DDX19B: variants seen among roughly 807,000 people sequenced by gnomAD.
The protein encoded by DDX19B is ATP-dependent RNA helicase DDX19B.
DDX19B carries 27 observed loss-of-function variants against 58.1 expected under a neutral mutation model. The ratio of observed to expected loss-of-function variants is 0.46; its 90% CI spans 0.34 to 0.64. DDX19B has a LOEUF of 0.64. Ranked by LOEUF, DDX19B falls within the 30% of genes least tolerant of loss-of-function variation. The pLI, the probability that DDX19B is intolerant of heterozygous loss-of-function variation, is 0.01. For missense variants in DDX19B, 399 were observed against 596.5 expected, an observed-to-expected ratio of 0.67 and a Z score of 3.45; for synonymous variants, 187 against 214.4, an observed-to-expected ratio of 0.87 and a Z score of 1.12.
rs1034265887 is a variant in DDX19B at position 70,323,088 on chromosome 16, C to T, written c.390-1497C>T. Among the ~76,000 whole-genome samples the T allele has an allele frequency of 5.9e-5, 9 of 151,852 alleles. No individual in the cohort carries two copies. The South Asian group carries it at 8.3e-4, about 14-fold the overall frequency. On this transcript the variant is annotated intron_variant, in intron 5 of 11. Transcript: ENST00000288071. ...TATCTTTGGCCTGCTGCGGCTGCTC[C>T]GTTTTTTGTTTTTTGTTTTTTTGAG...
intron 1 of DDX19B, among the ~76,000 whole-genome samples, chr16:70,301,973 T>G (rs898986635): frequency 2.7e-5 from 4 of 150,388 alleles, no homozygotes; most frequent in Non-Finnish European, 5.9e-5. Flanking sequence ...CAGGCTGGAG[T>G]GCAATGGCAC....
chr16:70,332,834 G>C lies in DDX19B; in HGVS notation c.1187-134G>C. ...CACGGCCTTTCAGATCTGGCTTCCT[G>C]CACTCAATGTCATGCACGTCTCTTA... On this transcript the variant is annotated intron_variant, in intron 10 of 11. Coordinates refer to ENST00000288071, the MANE Select transcript of DDX19B (RefSeq NM_007242.7). 4 of 1,527,332 alleles carry C rather than the reference G, an allele frequency of 2.6e-6. No homozygotes were observed. The South Asian group carries it at 4.9e-5, about 19-fold the overall frequency. The allele number at this position is 1,527,332 out of a possible 1,614,324, so 94.6% of individuals were successfully genotyped here.
At chr16:70,302,284 CTTTG>C (rs1961528042) in intron 1 of DDX19B, among the ~76,000 whole-genome samples, 1 of 152,092 alleles carries the variant, frequency 6.6e-6, no homozygotes, top group Non-Finnish European at 1.5e-5. Context: ...TAAAATTAAA[CTTTG>C]TTAGTGTACA....
At position 70,334,411 on chromosome 16, in the gene DDX19B, C is replaced by G. The variant is rs1963629442; in HGVS notation, c.*829C>G. ...AACATCCCTTTTACATCCTTAATAT[C>G]CCCTTACCCCACAGTAGCCCCAAAC... On this transcript the variant is annotated 3_prime_UTR_variant, in exon 12 of 12. Coordinates refer to ENST00000288071, the MANE Select transcript of DDX19B (RefSeq NM_007242.7). 1 of 152,034 alleles carries G rather than the reference C, an allele frequency of 6.6e-6. No individual in the cohort carries two copies. Among genetic ancestry groups the G allele is most frequent in the African/African-American group, 2.4e-5 (1 of 41,372 alleles). 9.4% of individuals were successfully genotyped at this position (152,034 alleles called of 1,614,324 possible).
chr16:70,299,392 G>A, intron 1 of DDX19B, 38 bp downstream of exon 1: 1 of 1,563,878 alleles, frequency 6.4e-7, no homozygotes, highest in East Asian at 2.3e-5. Context: ...CAGGGGACTA[G>A]TTCTGGTCGG....
intron 1 of DDX19B, among the ~76,000 whole-genome samples, chr16:70,301,324 T>G (rs1304516179): frequency 6.6e-5 from 10 of 152,198 alleles, no homozygotes; most frequent in Admixed American, 5.9e-4. Flanking sequence ...GGGTATAGAA[T>G]TGTAGGTTGA....
upstream of DDX19B, among the ~76,000 whole-genome samples, chr16:70,291,302 A>C (rs1184001625): frequency 5.3e-5 from 8 of 152,180 alleles, no homozygotes; most frequent in Non-Finnish European, 1.2e-4. Flanking sequence ...ATTCTGATCC[A>C]CAGTGCCCTA....
At chr16:70,328,191 T>C (rs1357620920) in intron 7 of DDX19B, among the ~76,000 whole-genome samples, 3 of 151,838 alleles carry the variant, frequency 2.0e-5, no homozygotes, top group Non-Finnish European at 4.4e-5. Context: ...TTGAGTTTTA[T>C]GGATCTCTGA....
Position 70,329,916 on chromosome 16 carries a change from G to A in DDX19B, c.871G>A (p.Asp291Asn). 1 of 1,614,240 alleles carries A rather than the reference G, an allele frequency of 6.2e-7. No individual in the cohort carries two copies. ...VWKFAQKVVPDPNVIKLKREE... is the reference protein window; with the variant it reads ...VWKFAQKVVPNPNVIKLKREE... Reference sequence around the variant, plus strand: ...GAAGTTTGCCCAGAAAGTGGTCCCAGACCCAAACGTTATCAAACTGAAGCG... The same window carrying A: ...GAAGTTTGCCCAGAAAGTGGTCCCAAACCCAAACGTTATCAAACTGAAGCG... The change falls in exon 9 of 12, where the codon GAC (aspartate) becomes AAC (asparagine). Residue 291 changes from aspartate (D) to asparagine (N), a missense_variant. Around this residue, in one of 4 missense-constraint regions of DDX19B, gnomAD observed 198 missense variants for 345.9 expected, o/e 0.57. Transcript: ENST00000288071.
chr16:70,303,414 GC>G (rs746616061), intron 1 of DDX19B, among the ~76,000 whole-genome samples: 73 of 152,310 alleles, frequency 4.8e-4, no homozygotes, highest in Non-Finnish European at 8.7e-4. Flanking sequence ...CTCCCAGAGT[GC>G]TGAGATGGAT....
intron 1 of DDX19B, among the ~76,000 whole-genome samples, chr16:70,308,798 C>T (rs949828425): frequency 6.6e-6 from 1 of 151,684 alleles, no homozygotes; most frequent in African/African-American, 2.4e-5. Flanking sequence ...CAGGTGTGAG[C>T]CACTGTGCCC....
intron 1 of DDX19B, among the ~76,000 whole-genome samples, chr16:70,310,248 G>T (rs1317916633): frequency 6.6e-6 from 1 of 152,104 alleles, no homozygotes; most frequent in Non-Finnish European, 1.5e-5. Context: ...GGGCATGGTG[G>T]TGCATGCCTG....
In DDX19B at chr16:70,325,594, G is replaced by A. The variant is rs1343369973; in HGVS notation, c.513G>A (p.Thr171=). Residue 171 remains threonine (T), a synonymous_variant, in exon 7 of 12, where the codon ACG becomes ACA. Coordinates refer to ENST00000288071, the MANE Select transcript of DDX19B (RefSeq NM_007242.7). ...GCCAGTGTCTATGTCTCTCCCCAAC[G>A]TATGAGCTCGCCCTCCAAACAGGAA... ...KYPQCLCLSP[T]YELALQTGKV... The A allele has an allele frequency of 6.8e-6, 11 of 1,613,690 alleles. No individual in the cohort carries two copies. The highest frequency in any genetic ancestry group is 5.5e-5 in the South Asian group (5 of 91,058).
chr16:70,291,534 C>T (rs1049972667), upstream of DDX19B, among the ~76,000 whole-genome samples: 2 of 152,080 alleles, frequency 1.3e-5, no homozygotes, highest in African/African-American at 4.8e-5. Context: ...TTTGGCCTAG[C>T]GTGGTGACTC....
At chr16:70,306,012 C>T (rs544667363) in intron 1 of DDX19B, among the ~76,000 whole-genome samples, 1 of 152,296 alleles carries the variant, frequency 6.6e-6, no homozygotes, top group African/African-American at 2.4e-5. Context: ...ATCCGCCCGC[C>T]TCGGCCTCCC....
At chr16:70,322,299 C>T (rs1962876947) in intron 5 of DDX19B, among the ~76,000 whole-genome samples, 1 of 151,984 alleles carries the variant, frequency 6.6e-6, no homozygotes, top group African/African-American at 2.4e-5. Flanking sequence ...TCAAGAGTTA[C>T]CGGTGTGGCG....
At chr16:70,293,100 A>G (rs529926081), upstream of DDX19B, among the ~76,000 whole-genome samples, 1 of 148,918 alleles carries the variant, frequency 6.7e-6, no homozygotes, top group Non-Finnish European at 1.5e-5. Context: ...AAATTAAATT[A>G]AATTTAAAAA....
intron 6 of DDX19B, 47 bp downstream of exon 6, chr16:70,324,734 G>A (rs1421583925): frequency 6.4e-7 from 1 of 1,551,396 alleles, no homozygotes; most frequent in African/African-American, 1.4e-5. Context: ...TAGATAGAAG[G>A]GGATTTCCAT....
intron 1 of DDX19B, among the ~76,000 whole-genome samples, chr16:70,306,637 C>G (rs1961768666): frequency 6.6e-6 from 1 of 152,154 alleles, no homozygotes; most frequent in African/African-American, 2.4e-5. Context: ...AAATGATTAA[C>G]TCTTGCTGTT....
Sources: allele counts gnomAD v4.1 joint callset (sites outside exome capture counted in the v4.1 genomes callset), GRCh38; gene constraint gnomAD v4.1.1; regional missense constraint gnomAD v4.1.1; transcripts MANE v1.5; gene names NCBI Gene and HGNC (gene_info 2026-07-23, HGNC 2026-07-21).